ATP13A4: variants seen among roughly 807,000 people sequenced by gnomAD.
ATP13A4 encodes ATPase 13A4, also known as probable cation-transporting ATPase 13A4.
In ATP13A4, 114 loss-of-function variants were observed where a neutral mutation model predicts 142.5. The observed-to-expected ratio is 0.80, with a 90% confidence interval of 0.69 to 0.93. ATP13A4 has a LOEUF of 0.93. ATP13A4 is among the 40% of genes least tolerant of loss of function. ATP13A4 has a pLI of 0.00. For synonymous variants in ATP13A4, 488 were observed against 514.8 expected (o/e 0.95, Z 0.70); for missense variants, 1,392 against 1,454.0 (o/e 0.96, Z 0.69).
At chr3:193,517,272 A>G (rs532344039) in intron 1 of ATP13A4, among the ~76,000 whole-genome samples, 3 of 152,344 alleles carry the variant, frequency 2.0e-5, no homozygotes, top group Admixed American at 6.5e-5. Flanking sequence ...TCCAGTCTCA[A>G]GGAGCTCATT....
chr3:193,503,956 G>A lies in ATP13A4; in HGVS notation c.235-1317C>T, dbSNP rs377461601. 1.7e-3 allele frequency among the ~76,000 whole-genome samples: 252 copies of A among 151,034 alleles called. 3 individuals carry two copies. In the South Asian group the frequency reaches 0.024, roughly 15 times the overall value. ...TGGGTAGGAATTGTGTATGATGCAT[G>A]TCTGCACTTCAGCCAGGCTTAGCAC... On this transcript the variant is annotated intron_variant, in intron 2 of 29. Coordinates refer to ENST00000342695, the MANE Select transcript of ATP13A4 (RefSeq NM_032279.4).
intron 25 of ATP13A4, among the ~76,000 whole-genome samples, chr3:193,416,504 G>T (rs1183196203): frequency 2.6e-5 from 4 of 152,044 alleles, no homozygotes; most frequent in Non-Finnish European, 4.4e-5. Context: ...ATTATAAAAA[G>T]GAGTCAAAAG....
chr3:193,503,239 G>C (rs902850075), intron 2 of ATP13A4, among the ~76,000 whole-genome samples: 3 of 152,158 alleles, frequency 2.0e-5, no homozygotes, highest in Admixed American at 2.0e-4. Context: ...TGAATCCATG[G>C]ACTGAACCTG....
rs1448302345 is a variant in ATP13A4, at chr3:193,573,285, A to ATATG, written n.291+8421_291+8422insCATA. Among the ~76,000 whole-genome samples the ATATG allele has an allele frequency of 4.8e-3, 468 of 98,056 alleles. 22 individuals carry two copies. Among genetic ancestry groups the ATATG allele is most frequent in the African/African-American group, 0.022 (440 of 20,036 alleles). 64.3% of individuals were successfully genotyped at this position (98,056 alleles called of 152,430 possible). On this transcript the variant is annotated intron_variant and non_coding_transcript_variant, in intron 2 of 3. Transcript: ENST00000489140. Reference sequence around the variant, plus strand: ...CATATATATATATATACATATATATATATACACATATATATATATATACAT... The same window carrying ATATG: ...CATATATATATATATACATATATATATATGTATACACATATATATATATATACAT...
At chr3:193,499,081 C>A (rs979677174) in intron 3 of ATP13A4, among the ~76,000 whole-genome samples, 3 of 152,310 alleles carry the variant, frequency 2.0e-5, no homozygotes, top group Non-Finnish European at 4.4e-5. Flanking sequence ...CACATGTGCA[C>A]GTGTGCAAAC....
chr3:193,577,790 T>C (rs907013367), intron 2 of ATP13A4, among the ~76,000 whole-genome samples: 3 of 152,202 alleles, frequency 2.0e-5, no homozygotes, highest in Non-Finnish European at 4.4e-5. Flanking sequence ...CAAATAGATC[T>C]CTATGTTGCA....
Position 193,493,652 on chromosome 3 carries a change from A to G in ATP13A4, c.382-492T>C, listed in dbSNP as rs148751910. Among the ~76,000 whole-genome samples, 211 of 152,296 alleles carry G rather than the reference A, an allele frequency of 1.4e-3. 1 individual carries two copies. The highest frequency in any genetic ancestry group is 5.0e-3 in the African/African-American group (206 of 41,584). ...GATGAGAAAATAGAAAGTATTTTAA[A>G]GAGATTGTTCACAAGTTAGTTTGGG... On this transcript the variant is annotated intron_variant, in intron 3 of 29. Transcript: ENST00000342695.
At chr3:193,469,410 G>A (rs1360791430) in intron 9 of ATP13A4, among the ~76,000 whole-genome samples, 1 of 152,200 alleles carries the variant, frequency 6.6e-6, no homozygotes, top group African/African-American at 2.4e-5. Context: ...TGGATCACTT[G>A]AGGTCAGGGG....
chr3:193,540,912 A>G (rs1379310935), intron 1 of ATP13A4, among the ~76,000 whole-genome samples: 2 of 152,182 alleles, frequency 1.3e-5, no homozygotes, highest in African/African-American at 4.8e-5. Flanking sequence ...ATAATTTTCT[A>G]TATTTTATAC....
chr3:193,567,029 C>T (rs1257725981), intron 2 of ATP13A4, among the ~76,000 whole-genome samples: 1 of 145,928 alleles, frequency 6.9e-6, no homozygotes, highest in Non-Finnish European at 1.5e-5. Context: ...TTTTAGAATT[C>T]TCTTGTGAAT....
chr3:193,487,973 T>A (rs1363527611), intron 7 of ATP13A4, among the ~76,000 whole-genome samples: 2 of 152,100 alleles, frequency 1.3e-5, no homozygotes, highest in African/African-American at 4.8e-5. Context: ...AGGTTCAAGT[T>A]CAAGTGGAGG....
intron 8 of ATP13A4, among the ~76,000 whole-genome samples, chr3:193,482,262 C>G (rs760183046): frequency 6.6e-6 from 1 of 151,232 alleles, no homozygotes; most frequent in Non-Finnish European, 1.5e-5. Context: ...GACCCTCAAT[C>G]GAAAAAAAAC....
At chr3:193,493,863 T>C (rs1720082636) in intron 3 of ATP13A4, among the ~76,000 whole-genome samples, 1 of 151,970 alleles carries the variant, frequency 6.6e-6, no homozygotes, top group African/African-American at 2.4e-5. Flanking sequence ...CTTTCTAACA[T>C]AAAAAGAGCC....
chr3:193,541,694 T>C (rs1342392306), intron 1 of ATP13A4, among the ~76,000 whole-genome samples: 2 of 152,148 alleles, frequency 1.3e-5, no homozygotes, highest in Non-Finnish European at 2.9e-5. Flanking sequence ...CCTTCACTAT[T>C]TGCAGCTGAT....
intron 25 of ATP13A4, among the ~76,000 whole-genome samples, chr3:193,427,259 C>G (rs917393504): frequency 1.3e-5 from 2 of 152,098 alleles, no homozygotes; most frequent in Non-Finnish European, 1.5e-5. Context: ...TGTGAAGGAT[C>G]TCTTCAAGAA....
At chr3:193,554,463 G>A in intron 1 of ATP13A4, 2 of 511,912 alleles carry the variant, frequency 3.9e-6, no homozygotes, top group South Asian at 2.0e-5. Context: ...AAAGTGCATG[G>A]TGCTTCTCTC....
At chr3:193,417,977 C>G (rs1218696759) in intron 25 of ATP13A4, among the ~76,000 whole-genome samples, 1 of 145,804 alleles carries the variant, frequency 6.9e-6, no homozygotes, top group Middle Eastern at 3.2e-3. Context: ...AAAAAATTAG[C>G]CGGGCGTAGT....
intron 1 of ATP13A4, among the ~76,000 whole-genome samples, chr3:193,515,289 A>G (rs1721346476): frequency 6.6e-6 from 1 of 152,166 alleles, no homozygotes; most frequent in Non-Finnish European, 1.5e-5. Flanking sequence ...CCGCACAGCT[A>G]GAATGTCCCA....
At chr3:193,411,890 A>T (rs918626549) in intron 27 of ATP13A4, among the ~76,000 whole-genome samples, 4 of 152,234 alleles carry the variant, frequency 2.6e-5, no homozygotes, top group Admixed American at 6.5e-5. Flanking sequence ...TGACAAGTAG[A>T]GAAATAAATT....
Sources: gnomAD v4.1 joint callset for allele counts (sites outside exome capture counted in the v4.1 genomes callset) on GRCh38, gnomAD v4.1.1 for gene constraint, MANE v1.5 for transcripts, NCBI Gene and HGNC (gene_info 2026-07-23, HGNC 2026-07-21) for gene names.